The following ENPP3 variants were observed in gnomAD, a reference collection of about 807,000 sequenced individuals.
ENPP3 encodes the protein ectonucleotide pyrophosphatase/phosphodiesterase 3, also known as ectonucleotide pyrophosphatase/phosphodiesterase family member 3.
In ENPP3, 104 loss-of-function variants were observed where a neutral mutation model predicts 117.8. The ratio of observed to expected loss-of-function variants is 0.88; its 90% CI spans 0.75 to 1.04. The LOEUF (loss-of-function observed/expected upper bound fraction) is 1.04, where lower values mean the gene tolerates loss of function less well. Ranked by LOEUF, ENPP3 falls within the 50% of genes least tolerant of loss-of-function variation. The pLI, the probability that ENPP3 is intolerant of heterozygous loss-of-function variation, is 0.00. For missense variants in ENPP3, 1,026 were observed against 1,051.9 expected (o/e 0.98, Z 0.34); for synonymous variants, 380 against 349.9 (o/e 1.09, Z -0.96).
chr6:131,674,411 G>A (rs142188355), intron 8 of ENPP3, 130 bp downstream of exon 8: 162 of 858,648 alleles, frequency 1.9e-4, no homozygotes, highest in Non-Finnish European at 2.8e-4. Flanking sequence ...GGGTGCAAAG[G>A]TGTTTTACCA....
intron 1 of ENPP3, chr6:131,638,353 A>G (rs992347471): frequency 4.2e-6 from 1 of 237,006 alleles, no homozygotes; most frequent in Non-Finnish European, 8.6e-6. Context: ...TTCTCATGAA[A>G]ATTACAACAC....
rs377155141 is a variant in ENPP3 at position 131,710,870 on chromosome 6, T to C, written c.1413-7802T>C. On this transcript the variant is annotated intron_variant, in intron 15 of 24. Coordinates refer to ENST00000357639, the MANE Select transcript of ENPP3 (RefSeq NM_005021.5). ...AAAAGGAGAACAACAAAAAATCCAA[T>C]AACAGCTGCACATACCACCAGTTCC... The C allele has an allele frequency of 2.5e-6, 4 of 1,610,870 alleles. No homozygotes were observed. The South Asian group carries it at 4.4e-5, about 18-fold the overall frequency.
chr6:131,724,226 T>TAAAAA, intron 19 of ENPP3, 135 bp downstream of exon 19: 2 of 416,524 alleles, frequency 4.8e-6, no homozygotes, highest in African/African-American at 3.9e-5. Context: ...ATACAAAAGG[T>TAAAAA]AAAAAAAAAA....
At chr6:131,707,197 C>T (rs1297243301) in intron 15 of ENPP3, among the ~76,000 whole-genome samples, 4 of 151,450 alleles carry the variant, frequency 2.6e-5, no homozygotes, top group African/African-American at 9.7e-5. Context: ...GCATTTTGTC[C>T]ATTTTGTCTA....
chr6:131,702,015 G>T (rs557658950), intron 15 of ENPP3, among the ~76,000 whole-genome samples: 2 of 151,570 alleles, frequency 1.3e-5, no homozygotes, highest in East Asian at 1.9e-4. Flanking sequence ...ATATCCTTTT[G>T]GTCTTTTTTT....
chr6:131,726,418 A>G (rs1780156271), intron 20 of ENPP3, among the ~76,000 whole-genome samples: 2 of 152,152 alleles, frequency 1.3e-5, no homozygotes, highest in South Asian at 4.1e-4. Context: ...GAAAATGGAA[A>G]ATGTTTACAG....
intron 1 of ENPP3, among the ~76,000 whole-genome samples, chr6:131,639,277 T>C (rs1190839261): frequency 2.8e-5 from 4 of 140,662 alleles, no homozygotes; most frequent in Middle Eastern, 3.6e-3. Context: ...TTTTTTTTTT[T>C]TCTCTCTCTC....
Position 131,654,039 on chromosome 6 carries a change from A to C in ENPP3, c.464+1148A>C, listed in dbSNP as rs187054030. Among the ~76,000 whole-genome samples the C allele has an allele frequency of 3.3e-5, 5 of 152,174 alleles. No individual in the cohort carries two copies. In the East Asian group the frequency reaches 5.8e-4, roughly 18 times the overall value. On this transcript the variant is annotated intron_variant, in intron 5 of 24. Transcript: ENST00000357639. ...GGCCAAGTAATGGGAGAATGGTGGA[A>C]GGGTGGATGAAAAAGAAAGGAATAC...
At chr6:131,683,260 C>G in intron 12 of ENPP3, 98 bp downstream of exon 12, 1 of 690,600 alleles carries the variant, frequency 1.4e-6, no homozygotes, top group Non-Finnish European at 2.5e-6. Context: ...ATCTCTACTT[C>G]CAGACCTAAA....
intron 21 of ENPP3, among the ~76,000 whole-genome samples, chr6:131,736,401 T>A (rs1474832862): frequency 1.3e-5 from 2 of 152,328 alleles, no homozygotes; most frequent in East Asian, 3.9e-4. Context: ...AGCAAAGAGA[T>A]ATCTTACATG....
intron 15 of ENPP3, among the ~76,000 whole-genome samples, chr6:131,713,780 A>T (rs535319162): frequency 2.0e-5 from 3 of 152,204 alleles, no homozygotes; most frequent in Non-Finnish European, 4.4e-5. Context: ...TGCTTTTTTT[A>T]AAAAAATATA....
chr6:131,685,377 T>A lies in ENPP3; in HGVS notation c.1134T>A (p.Thr378=). The change falls in exon 13 of 25, where the codon ACT becomes ACA. Residue 378 remains threonine (T), a synonymous_variant. Coordinates refer to ENST00000357639, the MANE Select transcript of ENPP3 (RefSeq NM_005021.5). ...TTTTTTATTCAGGAATGGACCAGAC[T>A]TATTGTAACAAGATGGAATACATGA... The part of the protein sequence containing the change: ...ILLADHGMDQ[T]YCNKMEYMTD... 1 of 1,611,664 alleles carries A rather than the reference T, an allele frequency of 6.2e-7. No homozygotes were observed. The highest frequency in any genetic ancestry group is 8.5e-7 in the Non-Finnish European group (1 of 1,177,962).
At position 131,651,355 on chromosome 6, in the gene ENPP3, A is replaced by G. The variant is rs565313407; in HGVS notation, c.278-1187A>G. Among the ~76,000 whole-genome samples the G allele has an allele frequency of 4.6e-5, 7 of 152,340 alleles. 1 individual carries two copies. In the South Asian group the frequency reaches 1.4e-3, roughly 32 times the overall value. ...CAGTCTTATTATCATTTCCTCCTTAACAATGCTAAATACAGAATTCACACT... is the reference window on the plus strand; with the variant it reads ...CAGTCTTATTATCATTTCCTCCTTAGCAATGCTAAATACAGAATTCACACT... On this transcript the variant is annotated intron_variant, in intron 3 of 24. Transcript: ENST00000357639.
rs1458961673 is a variant in ENPP3 at position 131,658,372 on chromosome 6, G to T, written c.514G>T (p.Glu172Ter). 1 of 1,609,364 alleles carries T rather than the reference G, an allele frequency of 6.2e-7. No individual in the cohort carries two copies. Residue 172 changes from glutamate (E) to a stop codon, truncating the protein, a stop_gained, in exon 6 of 25, where the codon GAA (glutamate) becomes TAA (stop). Transcript: ENST00000357639. LOFTEE classifies it high-confidence loss of function. ...GTTTTCTATGGATGGATTTAGAGCT[G>T]AATATTTATACACATGGGATACTTT... ...ILFSMDGFRA[E>*]YLYTWDTLMP...
At chr6:131,648,982 T>C (rs1778206801) in intron 2 of ENPP3, among the ~76,000 whole-genome samples, 2 of 152,286 alleles carry the variant, frequency 1.3e-5, no homozygotes, top group Admixed American at 1.3e-4. Context: ...CTTAGATATA[T>C]GGAAAACTGA....
At chr6:131,724,538 G>A (rs1780110191) in intron 19 of ENPP3, among the ~76,000 whole-genome samples, 9 of 152,138 alleles carry the variant, frequency 5.9e-5, no homozygotes, top group Admixed American at 5.9e-4. Context: ...TTACAATTGT[G>A]CCTGGCCTGT....
intron 5 of ENPP3, among the ~76,000 whole-genome samples, chr6:131,655,253 C>T (rs534820246): frequency 6.6e-6 from 1 of 152,190 alleles, no homozygotes; most frequent in Non-Finnish European, 1.5e-5. Context: ...CATACTAATA[C>T]CAGCTAACAT....
intron 6 of ENPP3, among the ~76,000 whole-genome samples, chr6:131,670,143 C>T (rs1010174798): frequency 6.6e-6 from 1 of 152,168 alleles, no homozygotes; most frequent in Non-Finnish European, 1.5e-5. Context: ...AGGAAACTTC[C>T]CTGGTCTAAT....
intron 22 of ENPP3, 85 bp from the exon 23 acceptor site, chr6:131,737,946 A>T: frequency 1.1e-6 from 1 of 946,396 alleles, no homozygotes; most frequent in East Asian, 2.9e-5. Flanking sequence ...ATTTCATGTT[A>T]TTTAAATGTA....
Sources: allele counts gnomAD v4.1 joint callset (sites outside exome capture counted in the v4.1 genomes callset), GRCh38; gene constraint gnomAD v4.1.1; transcripts MANE v1.5; gene names NCBI Gene and HGNC (gene_info 2026-07-23, HGNC 2026-07-21).